B3GALT1: variants seen among roughly 807,000 people sequenced by gnomAD.
B3GALT1 encodes the protein beta-1,3-galactosyltransferase 1.
B3GALT1 carries 10 observed loss-of-function variants against 23.2 expected under a neutral mutation model. The ratio of observed to expected loss-of-function variants is 0.43; its 90% CI spans 0.27 to 0.73. B3GALT1 has a LOEUF of 0.73. Ranked by LOEUF, B3GALT1 falls within the 30% of genes least tolerant of loss-of-function variation. The probability of loss-of-function intolerance (pLI) is 0.21; values close to 1 mark genes in which losing one functional copy is unlikely to be tolerated. For synonymous variants in B3GALT1, 156 were observed against 141.5 expected (o/e 1.10, Z -0.73); for missense variants, 299 against 405.4 (o/e 0.74, Z 2.25).
intron 2 of B3GALT1, among the ~76,000 whole-genome samples, chr2:167,619,068 T>TGG (rs1452528750): frequency 6.6e-6 from 1 of 152,042 alleles, no homozygotes; most frequent in Non-Finnish European, 1.5e-5. Flanking sequence ...TAGTTGTCAA[T>TGG]GATTTTCTAA....
At chr2:167,721,100 TTC>T (rs1007706551) in intron 3 of B3GALT1, among the ~76,000 whole-genome samples, 4 of 152,124 alleles carry the variant, frequency 2.6e-5, no homozygotes, top group African/African-American at 9.7e-5. Context: ...ACTCTTTCTC[TTC>T]TCTCTCTCAT....
chr2:167,800,153 C>T (rs1027008847), intron 3 of B3GALT1, among the ~76,000 whole-genome samples: 1 of 152,166 alleles, frequency 6.6e-6, no homozygotes, highest in African/African-American at 2.4e-5. Flanking sequence ...GATAGAATTT[C>T]ACTATTAGCT....
At chr2:167,462,933 T>TA in intron 1 of B3GALT1, among the ~76,000 whole-genome samples, 1 of 152,296 alleles carries the variant, frequency 6.6e-6, no homozygotes, top group Admixed American at 6.5e-5. Context: ...GTAAGTGCCA[T>TA]ATAAATTTGT....
rs538775975 is a variant in B3GALT1, at chr2:167,643,900, C to T, written c.-409-3009C>T. On this transcript the variant is annotated intron_variant, in intron 2 of 4. Transcript: ENST00000392690. ...GGGACAGCTCTTTTTGCCAAGTGAA[C>T]CAGAGAACTGAAGAAGCTGTTTGGA... Among the ~76,000 whole-genome samples the T allele has an allele frequency of 7.2e-5, 11 of 152,212 alleles. No homozygotes were observed. The South Asian group carries it at 2.3e-3, about 32-fold the overall frequency.
At chr2:167,415,555 T>A (rs1698455919) in intron 1 of B3GALT1, among the ~76,000 whole-genome samples, 1 of 152,120 alleles carries the variant, frequency 6.6e-6, no homozygotes, top group Admixed American at 6.5e-5. Context: ...TGGAACTGGG[T>A]AATGGGCTGC....
chr2:167,769,788 C>A (rs1391551624), intron 3 of B3GALT1, among the ~76,000 whole-genome samples: 1 of 152,034 alleles, frequency 6.6e-6, no homozygotes, highest in African/African-American at 2.4e-5. Flanking sequence ...ACGGATGTGC[C>A]ACAGTTTATT....
intron 2 of B3GALT1, among the ~76,000 whole-genome samples, chr2:167,569,467 G>T (rs1420421269): frequency 6.6e-6 from 1 of 151,562 alleles, no homozygotes; most frequent in African/African-American, 2.4e-5. Flanking sequence ...AATTTAACTG[G>T]TATTGTGTTT....
chr2:167,722,056 T>C (rs950482757), intron 3 of B3GALT1, among the ~76,000 whole-genome samples: 2 of 152,372 alleles, frequency 1.3e-5, no homozygotes, highest in Admixed American at 6.5e-5. Flanking sequence ...AAATTGCTTT[T>C]GTTGAAGAAA....
chr2:167,366,833 C>G (rs1697594171), intron 1 of B3GALT1, among the ~76,000 whole-genome samples: 1 of 152,220 alleles, frequency 6.6e-6, no homozygotes, highest in Non-Finnish European at 1.5e-5. Context: ...CTAGAAACTT[C>G]AGACCTCCTC....
intron 1 of B3GALT1, among the ~76,000 whole-genome samples, chr2:167,457,393 G>A (rs1324303562): frequency 1.3e-5 from 2 of 151,852 alleles, no homozygotes; most frequent in African/African-American, 4.8e-5. Flanking sequence ...GGCTGGTCTT[G>A]AACTCCTGAC....
chr2:167,667,172 C>T (rs971150795), intron 3 of B3GALT1, among the ~76,000 whole-genome samples: 5 of 152,012 alleles, frequency 3.3e-5, no homozygotes, highest in African/African-American at 7.2e-5. Flanking sequence ...TCAGCATTTG[C>T]TTGTCTGTAA....
At chr2:167,822,107 T>TA (rs1488416523) in intron 4 of B3GALT1, among the ~76,000 whole-genome samples, 1 of 152,000 alleles carries the variant, frequency 6.6e-6, no homozygotes, top group African/African-American at 2.4e-5. Context: ...CTTCTCCCTC[T>TA]AAAAACCCTG....
intron 2 of B3GALT1, among the ~76,000 whole-genome samples, chr2:167,643,861 A>G (rs184117999): frequency 6.6e-6 from 1 of 152,354 alleles, no homozygotes; most frequent in East Asian, 1.9e-4. Flanking sequence ...TTATTATCAT[A>G]CAAGTTATTT....
chr2:167,558,625 G>A (rs547662408), intron 2 of B3GALT1, among the ~76,000 whole-genome samples: 5 of 152,294 alleles, frequency 3.3e-5, no homozygotes, highest in Admixed American at 3.3e-4. Flanking sequence ...TTTTCCGACG[G>A]GCTTAGGAAA....
At chr2:167,369,240 A>C (rs1158893718) in intron 1 of B3GALT1, among the ~76,000 whole-genome samples, 1 of 152,112 alleles carries the variant, frequency 6.6e-6, no homozygotes, top group African/African-American at 2.4e-5. Context: ...TGACATGTGC[A>C]TGACAGAATA....
chr2:167,563,444 C>T lies in B3GALT1; in HGVS notation c.-410+73167C>T, dbSNP rs1447917683. Among the ~76,000 whole-genome samples, 27 of 124,758 alleles carry T rather than the reference C, an allele frequency of 2.2e-4. 1 individual carries two copies. Among genetic ancestry groups the T allele is most frequent in the Non-Finnish European group, 3.9e-4 (23 of 59,374 alleles). The allele number at this position is 124,758 out of a possible 152,430, so 81.8% of individuals were successfully genotyped here. ...CCACCTCCCTCCCGGACAGGGGCGG[C>T]TGGCCAGGCAGAGGAGCTCCTCACT... On this transcript the variant is annotated intron_variant, in intron 2 of 4. Transcript: ENST00000392690.
intron 3 of B3GALT1, among the ~76,000 whole-genome samples, chr2:167,659,969 G>T (rs1406966487): frequency 1.3e-5 from 2 of 151,956 alleles, no homozygotes; most frequent in African/African-American, 4.8e-5. Flanking sequence ...CCAGTTTCAG[G>T]TCTGTTTGTC....
intron 1 of B3GALT1, among the ~76,000 whole-genome samples, chr2:167,304,464 A>T (rs916557016): frequency 6.6e-6 from 1 of 152,264 alleles, no homozygotes. Context: ...AGCACCAATA[A>T]ATCTAATCAG....
At chr2:167,650,334 A>G (rs1685839722) in intron 3 of B3GALT1, among the ~76,000 whole-genome samples, 1 of 149,424 alleles carries the variant, frequency 6.7e-6, no homozygotes, top group Non-Finnish European at 1.5e-5. Context: ...GTATATATAT[A>G]TTTATTATAT....
Sources: gnomAD v4.1 joint callset for allele counts (sites outside exome capture counted in the v4.1 genomes callset) on GRCh38, gnomAD v4.1.1 for gene constraint, MANE v1.5 for transcripts, NCBI Gene and HGNC (gene_info 2026-07-23, HGNC 2026-07-21) for gene names.